The following ARHGAP23 variants were observed in gnomAD, a reference collection of about 807,000 sequenced individuals.
ARHGAP23 encodes the protein Rho GTPase activating protein 23, also known as rho GTPase-activating protein 23.
ARHGAP23 carries 34 observed loss-of-function variants against 136.3 expected under a neutral mutation model. That is an observed-to-expected ratio of 0.25 (90% CI 0.19 to 0.33). The LOEUF is 0.33. Ranked by LOEUF, ARHGAP23 falls within the 10% of genes least tolerant of loss-of-function variation. The probability of loss-of-function intolerance (pLI) is 1.00; values close to 1 mark genes in which losing one functional copy is unlikely to be tolerated. For missense variants in ARHGAP23, 1,808 were observed against 2,139.0 expected, an observed-to-expected ratio of 0.85 and a Z score of 3.05; for synonymous variants, 832 against 920.5, an observed-to-expected ratio of 0.90 and a Z score of 1.74.
upstream of ARHGAP23, among the ~76,000 whole-genome samples, chr17:38,425,140 C>T (rs1030022582): frequency 6.6e-6 from 1 of 152,198 alleles, no homozygotes; most frequent in South Asian, 2.1e-4. Flanking sequence ...CAGGCTAGCA[C>T]GGAAGCGCCT....
intron 20 of ARHGAP23, among the ~76,000 whole-genome samples, chr17:38,496,463 G>C (rs1445138884): frequency 2.6e-5 from 4 of 152,132 alleles, no homozygotes; most frequent in Non-Finnish European, 4.4e-5. Context: ...AACAGCGAGA[G>C]ACCCTATCTC....
intron 7 of ARHGAP23, among the ~76,000 whole-genome samples, chr17:38,467,797 C>G (rs2039648940): frequency 6.6e-6 from 1 of 152,220 alleles, no homozygotes; most frequent in South Asian, 2.1e-4. Flanking sequence ...ATCCATCTTT[C>G]TTTCCTTTGA....
chr17:38,488,155 G>T (rs140517672), intron 17 of ARHGAP23, among the ~76,000 whole-genome samples: 2 of 152,092 alleles, frequency 1.3e-5, no homozygotes, highest in African/African-American at 4.8e-5. Context: ...TGATCATCGC[G>T]CCTCGGCCTT....
intron 20 of ARHGAP23, among the ~76,000 whole-genome samples, chr17:38,493,194 CT>C (rs60372950): frequency 0.015 from 2,001 of 133,136 alleles, 22 homozygotes; most frequent in Middle Eastern, 0.077. Flanking sequence ...TCTCTTTTCG[CT>C]TTTTTTTTGT....
chr17:38,481,272 G>A (rs527430961), intron 14 of ARHGAP23, among the ~76,000 whole-genome samples: 15 of 151,822 alleles, frequency 9.9e-5, no homozygotes, highest in African/African-American at 2.9e-4. Flanking sequence ...TCAGCCTCCC[G>A]AGTAGCTGGG....
intron 12 of ARHGAP23, among the ~76,000 whole-genome samples, chr17:38,478,739 G>T (rs2039960832): frequency 6.6e-6 from 1 of 152,136 alleles, no homozygotes; most frequent in Non-Finnish European, 1.5e-5. Flanking sequence ...GCCCATTGTG[G>T]TCAGCCATAG....
chr17:38,466,040 G>T, intron 6 of ARHGAP23, 127 bp from the exon 7 acceptor site: 3 of 498,518 alleles, frequency 6.0e-6, no homozygotes, highest in South Asian at 9.6e-5. Flanking sequence ...CCTCTCCCTC[G>T]TTCCCCCCAC....
intron 1 of ARHGAP23, among the ~76,000 whole-genome samples, chr17:38,419,873 C>G (rs555469609): frequency 1.3e-5 from 2 of 152,138 alleles, no homozygotes; most frequent in South Asian, 4.1e-4. Context: ...CGCCGGTCCC[C>G]TCCCCCTACA....
At chr17:38,458,508 C>T (rs2039384507) in intron 2 of ARHGAP23, among the ~76,000 whole-genome samples, 1 of 152,202 alleles carries the variant, frequency 6.6e-6, no homozygotes, top group African/African-American at 2.4e-5. Flanking sequence ...CCTGGGGCTT[C>T]TCAGGAGACA....
At chr17:38,475,940 C>T (rs2039883144) in intron 11 of ARHGAP23, among the ~76,000 whole-genome samples, 1 of 152,064 alleles carries the variant, frequency 6.6e-6, no homozygotes, top group Non-Finnish European at 1.5e-5. Flanking sequence ...AAGGAAGCAG[C>T]CACATATAGA....
intron 11 of ARHGAP23, among the ~76,000 whole-genome samples, chr17:38,476,308 CAG>C (rs551600957): frequency 1.6e-4 from 25 of 152,124 alleles, no homozygotes; most frequent in Admixed American, 3.9e-4. Context: ...GCAGGAAAGA[CAG>C]AGACGGGATG....
chr17:38,478,291 C>T (rs964805235), intron 12 of ARHGAP23, among the ~76,000 whole-genome samples: 56 of 152,182 alleles, frequency 3.7e-4, no homozygotes, highest in South Asian at 4.1e-4. Flanking sequence ...CGCACCAGAA[C>T]TGCACTGGGC....
intron 1 of ARHGAP23, among the ~76,000 whole-genome samples, chr17:38,421,273 G>A (rs2038517936): frequency 6.6e-6 from 1 of 152,218 alleles, no homozygotes; most frequent in African/African-American, 2.4e-5. Flanking sequence ...TATGCCAAGT[G>A]GTGGCTTCTT....
intron 1 of ARHGAP23, chr17:38,457,832 A>G (rs2039364805): frequency 1.8e-6 from 1 of 563,430 alleles, no homozygotes; most frequent in South Asian, 2.1e-5. Flanking sequence ...GAACTGAATG[A>G]ACTTGCTTCA....
intron 11 of ARHGAP23, among the ~76,000 whole-genome samples, chr17:38,475,394 C>G: frequency 6.6e-6 from 1 of 152,220 alleles, no homozygotes; most frequent in East Asian, 1.9e-4. Context: ...GAGAGGTGCC[C>G]TTGTCACCAC....
chr17:38,465,229 C>T lies in ARHGAP23; in HGVS notation c.484-938C>T, dbSNP rs183279744. On this transcript the variant is annotated intron_variant, in intron 6 of 23. Coordinates refer to ENST00000622683, the MANE Select transcript of ARHGAP23 (RefSeq NM_001199417.2). ...TGCCAGCTGGAGGGGGCTGAGTGTG[C>T]GGGGGTGTGGTTTAGCTTGTCCTCA... Among the ~76,000 whole-genome samples the T allele has an allele frequency of 6.1e-5, 9 of 147,184 alleles. No individual in the cohort carries two copies. In the East Asian group the frequency reaches 1.6e-3, roughly 26 times the overall value.
At chr17:38,501,670 A>C (rs1174297390) in intron 23 of ARHGAP23, among the ~76,000 whole-genome samples, 2 of 152,120 alleles carry the variant, frequency 1.3e-5, no homozygotes, top group Non-Finnish European at 2.9e-5. Flanking sequence ...GGTGAAATAG[A>C]CCAATTCTTT....
intron 11 of ARHGAP23, among the ~76,000 whole-genome samples, chr17:38,474,086 A>T (rs2039832102): frequency 6.6e-6 from 1 of 151,950 alleles, no homozygotes; most frequent in African/African-American, 2.4e-5. Flanking sequence ...ACACCCAGCT[A>T]ATTTTTGTAG....
In ARHGAP23 at chr17:38,497,012, G is replaced by T. The variant is rs2040406889; in HGVS notation, c.3277-773G>T. On this transcript the variant is annotated intron_variant, in intron 20 of 23. Coordinates refer to ENST00000622683, the MANE Select transcript of ARHGAP23 (RefSeq NM_001199417.2). ...CAGATTTAAATGAGAGTTTAGCAGG[G>T]TATAAAATTCTAGGTTCCTTCAACA... Among the ~76,000 whole-genome samples the T allele has an allele frequency of 7.2e-5, 11 of 152,088 alleles. No individual in the cohort carries two copies. In the South Asian group the frequency reaches 2.1e-3, roughly 29 times the overall value.
Sources: gnomAD v4.1 joint callset for allele counts (sites outside exome capture counted in the v4.1 genomes callset) on GRCh38, gnomAD v4.1.1 for gene constraint, MANE v1.5 for transcripts, NCBI Gene and HGNC (gene_info 2026-07-23, HGNC 2026-07-21) for gene names.